ZNF181: variants seen among roughly 807,000 people sequenced by gnomAD.
ZNF181 encodes zinc finger protein 181 (HHZ181).
In ZNF181, 8 loss-of-function variants were observed where a neutral mutation model predicts 11.9. That is an observed-to-expected ratio of 0.67 (90% CI 0.39 to 1.21). ZNF181 has a LOEUF of 1.21. Among genes scored for constraint, ZNF181 ranks in the 50% most tolerant of loss-of-function variants. The probability of loss-of-function intolerance (pLI) is 0.01; values close to 1 mark genes in which losing one functional copy is unlikely to be tolerated. For missense variants in ZNF181, 542 were observed against 670.9 expected (o/e 0.81, Z 2.12); for synonymous variants, 202 against 221.1 (o/e 0.91, Z 0.77).
At chr19:34,735,374 C>T (rs770563487) in intron 1 of ZNF181, among the ~76,000 whole-genome samples, 46 of 152,196 alleles carry the variant, frequency 3.0e-4, no homozygotes, top group Non-Finnish European at 5.3e-4. Context: ...TGAAGAGATG[C>T]TTGCAGTCAT....
chr19:34,742,368 C>T lies in ZNF181; in HGVS notation c.*271C>T, dbSNP rs4806049. 0.82 allele frequency: 187,937 copies of T among 229,204 alleles called. 78,091 individuals carry two copies. The highest frequency in any genetic ancestry group is 0.94 in the African/African-American group (41,712 of 44,386). 14.2% of individuals were successfully genotyped at this position (229,204 alleles called of 1,614,324 possible). On this transcript the variant is annotated 3_prime_UTR_variant, in exon 4 of 4. Transcript: ENST00000492450. ...CATGTAGCAAATGTGGGAAAGACTACAGACAATAGGAATCTTTTACAAACT... is the reference window on the plus strand; with the variant it reads ...CATGTAGCAAATGTGGGAAAGACTATAGACAATAGGAATCTTTTACAAACT...
In ZNF181 at chr19:34,745,244, C is replaced by T. The variant is rs2069022520; in HGVS notation, c.*3147C>T. 6.6e-6 allele frequency: 1 copy of T among 152,126 alleles called. No individual in the cohort carries two copies. The highest frequency in any genetic ancestry group is 6.6e-5 in the Admixed American group (1 of 15,262). The allele number at this position is 152,126 out of a possible 1,614,324, so 9.4% of individuals were successfully genotyped here. A position where few individuals can be genotyped will look rare whatever the true frequency, so the allele number is the denominator to read the frequency against. On this transcript the variant is annotated 3_prime_UTR_variant, in exon 4 of 4. Transcript: ENST00000492450. ...GTGTGTGTGTGTGAACAGCATTAAA[C>T]TTTGGAGTCATGTTACCTGGGTTTA...
intron 3 of ZNF181, 45 bp downstream of exon 3, chr19:34,739,666 G>T (rs1390036602): frequency 6.2e-7 from 1 of 1,604,746 alleles, no homozygotes; most frequent in Non-Finnish European, 8.5e-7. Flanking sequence ...GTTAAAAAGG[G>T]TCCCAAACTC....
chr19:34,737,437 T>C (rs1394119669), intron 1 of ZNF181, among the ~76,000 whole-genome samples: 6 of 152,238 alleles, frequency 3.9e-5, no homozygotes, highest in Non-Finnish European at 8.8e-5. Context: ...ACAGTAATAA[T>C]GCTGTATTAA....
chr19:34,743,068 C>T lies in ZNF181; in HGVS notation c.*971C>T, dbSNP rs1356422868. 2 of 152,160 alleles carry T rather than the reference C, an allele frequency of 1.3e-5. No homozygotes were observed. Among genetic ancestry groups the T allele is most frequent in the African/African-American group, 4.8e-5 (2 of 41,436 alleles). 9.4% of individuals were successfully genotyped at this position (152,160 alleles called of 1,614,324 possible). A position where few individuals can be genotyped will look rare whatever the true frequency, so the allele number is the denominator to read the frequency against. On this transcript the variant is annotated 3_prime_UTR_variant, in exon 4 of 4. Coordinates refer to ENST00000492450, the MANE Select transcript of ZNF181 (RefSeq NM_001029997.4). The stretch of plus-strand genomic sequence containing the variant: ...ATACATTTCAAAAAAATTTACTGAG[C>T]ATCACTCGTGTATTATTACACAGCG...
chr19:34,740,778 A>AG lies in ZNF181; in HGVS notation c.398dup (p.Ser133ArgfsTer14), dbSNP rs772124401. 6.2e-7 allele frequency: 1 copy of AG among 1,614,002 alleles called. No individual in the cohort carries two copies. Among genetic ancestry groups the AG allele is most frequent in the East Asian group, 2.2e-5 (1 of 44,874 alleles). On this transcript the variant is annotated frameshift_variant, in exon 4 of 4. Coordinates refer to ENST00000492450, the MANE Select transcript of ZNF181 (RefSeq NM_001029997.4). LOFTEE classifies it low-confidence loss of function (END_TRUNC). ...AGAGAAGTTGGAAGGGAAGCATGGA[A>AG]GTCAGGTAGACCATTTCAGACCAGC...
chr19:34,737,027 T>C (rs2068899257), intron 1 of ZNF181, among the ~76,000 whole-genome samples: 1 of 152,258 alleles, frequency 6.6e-6, no homozygotes. Context: ...GGATAAATTA[T>C]GTGTAGCAAA....
chr19:34,739,720 C>G, intron 3 of ZNF181, 99 bp downstream of exon 3: 1 of 1,225,114 alleles, frequency 8.2e-7, no homozygotes, highest in Non-Finnish European at 1.1e-6. Flanking sequence ...TTTAGGTATA[C>G]TGTTTTCAAA....
chr19:34,740,751 A>T lies in ZNF181; in HGVS notation c.370A>T (p.Ile124Leu), dbSNP rs1568484259. The T allele has an allele frequency of 1.2e-6, 2 of 1,613,914 alleles. No individual in the cohort carries two copies. Among genetic ancestry groups the T allele is most frequent in the Non-Finnish European group, 1.7e-6 (2 of 1,179,908 alleles). ...FSNSKKNLEY[I>L]EKLEGKHGSQ... ...AAATTCTAAGAAGAATTTGGAATAT[A>T]TAGAGAAGTTGGAAGGGAAGCATGG... The change falls in exon 4 of 4, where the codon ATA (isoleucine) becomes TTA (leucine). Residue 124 changes from isoleucine (I) to leucine (L), a missense_variant. By Grantham distance (5) the Ile-to-Leu change is conservative (BLOSUM62 2). Coordinates refer to ENST00000492450, the MANE Select transcript of ZNF181 (RefSeq NM_001029997.4).
At chr19:34,736,850 T>A (rs1170697068) in intron 1 of ZNF181, among the ~76,000 whole-genome samples, 2 of 152,196 alleles carry the variant, frequency 1.3e-5, no homozygotes, top group African/African-American at 4.8e-5. Flanking sequence ...GGGACAGAGA[T>A]GAGTGAACAC....
chr19:34,736,761 G>C (rs1191954708), intron 1 of ZNF181, among the ~76,000 whole-genome samples: 1 of 152,064 alleles, frequency 6.6e-6, no homozygotes, highest in Non-Finnish European at 1.5e-5. Context: ...ACTGTATTGA[G>C]GATTGCAGCA....
intron 1 of ZNF181, 90 bp downstream of exon 1, chr19:34,735,136 G>A: frequency 7.0e-7 from 1 of 1,432,938 alleles, no homozygotes; most frequent in Non-Finnish European, 9.6e-7. Flanking sequence ...ACCTAACCAA[G>A]TCCATTTAAG....
In ZNF181 at chr19:34,742,807, CAAAAGAAATA is replaced by C. The variant is rs1425982444; in HGVS notation, c.*713_*722del. ...GTTATAATATTGAAAATTAAAGCTGCAAAAGAAATAAAGTGATGTTAATAAAAGTTTTGGC... is the reference window on the plus strand; with the variant it reads ...GTTATAATATTGAAAATTAAAGCTGCAAGTGATGTTAATAAAAGTTTTGGC... On this transcript the variant is annotated 3_prime_UTR_variant, in exon 4 of 4. Transcript: ENST00000492450. 2.0e-5 allele frequency: 3 copies of C among 152,046 alleles called. No individual in the cohort carries two copies. The highest frequency in any genetic ancestry group is 7.3e-5 in the African/African-American group (3 of 41,372). The allele number at this position is 152,046 out of a possible 1,614,324, so 9.4% of individuals were successfully genotyped here.
Position 34,741,011 on chromosome 19 carries a change from G to A in ZNF181, c.630G>A (p.Leu210=), listed in dbSNP as rs748570706. ...NEKVNGGKKL[L]NSNKSGAAFS... ...AAGTCAATGGTGGAAAGAAACTTTT[G>A]AATTCTAATAAAAGTGGGGCAGCCT... Residue 210 remains leucine, a synonymous_variant, in exon 4 of 4, where the codon TTG becomes TTA. Transcript: ENST00000492450. 2 of 1,614,010 alleles carry A rather than the reference G, an allele frequency of 1.2e-6. No homozygotes were observed. The highest frequency in any genetic ancestry group is 2.7e-5 in the African/African-American group (2 of 74,928).
At chr19:34,737,678 A>G (rs1251974669) in intron 1 of ZNF181, among the ~76,000 whole-genome samples, 7 of 152,154 alleles carry the variant, frequency 4.6e-5, no homozygotes, top group Non-Finnish European at 1.0e-4. Flanking sequence ...GTGGTGCCCA[A>G]CCTTTTTGGC....
At position 34,741,624 on chromosome 19, in the gene ZNF181, A is replaced by G. The variant is rs1417913979; in HGVS notation, c.1243A>G (p.Ser415Gly). Residue 415 changes from serine (S) to glycine (G), a missense_variant, in exon 4 of 4, where the codon AGT becomes GGT. Ser to Gly is a moderately conservative substitution (Grantham distance 56). Transcript: ENST00000492450. ...ATGCAACAAATGTCTGAAAGTCTTT[A>G]GTAGCCTCTCATTTCTTGTTCAGCA... The part of the protein sequence containing the change: ...YECNKCLKVF[S>G]SLSFLVQHQS... 6.2e-7 allele frequency: 1 copy of G among 1,613,944 alleles called. No homozygotes were observed. The highest frequency in any genetic ancestry group is 8.5e-7 in the Non-Finnish European group (1 of 1,179,920).
chr19:34,741,942 G>C lies in ZNF181; in HGVS notation c.1561G>C (p.Glu521Gln), dbSNP rs2068985766. 7 of 1,613,762 alleles carry C rather than the reference G, an allele frequency of 4.3e-6. No homozygotes were observed. Among genetic ancestry groups the C allele is most frequent in the South Asian group, 2.2e-5 (2 of 91,068 alleles). The change falls in exon 4 of 4, where the codon GAG becomes CAG. Residue 521 changes from glutamate (E) to glutamine (Q), a missense_variant. Glu to Gln is a conservative substitution (Grantham distance 29). Transcript: ENST00000492450. ...TGGAGAAAAGCCATATAAATGTAAT[G>C]AGTGTGGGAAAGCTTTTAGCAAAGG... ...HTGEKPYKCNECGKAFSKGSN... is the reference protein window; with the variant it reads ...HTGEKPYKCNQCGKAFSKGSN...
rs1356178554 is a variant in ZNF181, at chr19:34,734,754, T to C, written c.-284T>C. 6.1e-6 allele frequency: 3 copies of C among 488,974 alleles called. No individual in the cohort carries two copies. Among genetic ancestry groups the C allele is most frequent in the Non-Finnish European group, 1.1e-5 (3 of 277,662 alleles). 30.3% of individuals were successfully genotyped at this position (488,974 alleles called of 1,614,324 possible). A position where few individuals can be genotyped will look rare whatever the true frequency, so the allele number is the denominator to read the frequency against. ...GCTGATAAAGTTTTTACCATTGTTT[T>C]ATGAGGATTTTATTTACAGAGTAAT... is the stretch of plus-strand genomic sequence containing the variant. On this transcript the variant is annotated 5_prime_UTR_variant, in exon 1 of 4. Transcript: ENST00000492450.
rs1300656301 is a variant in ZNF181 at position 34,743,698 on chromosome 19, C to T, written c.*1601C>T. ...AACCGTCATTTCTCTATCCCTGAGT[C>T]ATAGTTACGGGAGTTTACCTTGAAA... On this transcript the variant is annotated 3_prime_UTR_variant, in exon 4 of 4. Transcript: ENST00000492450. 1 of 152,218 alleles carries T rather than the reference C, an allele frequency of 6.6e-6. No individual in the cohort carries two copies. Among genetic ancestry groups the T allele is most frequent in the Non-Finnish European group, 1.5e-5 (1 of 68,030 alleles). 9.4% of individuals were successfully genotyped at this position (152,218 alleles called of 1,614,324 possible).
Sources: allele counts gnomAD v4.1 joint callset (sites outside exome capture counted in the v4.1 genomes callset), GRCh38; gene constraint gnomAD v4.1.1; transcripts MANE v1.5; gene names NCBI Gene and HGNC (gene_info 2026-07-23, HGNC 2026-07-21).